Variants in SMOC1 observed in about 807,000 individuals in gnomAD.
SMOC1 encodes SPARC-related modular calcium-binding protein 1.
SMOC1 carries 22 observed loss-of-function variants against 56.3 expected under a neutral mutation model. The observed-to-expected ratio is 0.39, with a 90% confidence interval of 0.28 to 0.56. SMOC1 has a LOEUF of 0.56. Among genes scored for constraint, SMOC1 ranks in the 20% least tolerant of loss-of-function variants. SMOC1 has a pLI of 0.61. For synonymous variants in SMOC1, 193 were observed against 215.0 expected (o/e 0.90, Z 0.89); for missense variants, 509 against 565.4 (o/e 0.90, Z 1.01).
At chr14:70,006,563 T>G (rs1188290623) in intron 7 of SMOC1, among the ~76,000 whole-genome samples, 1 of 152,210 alleles carries the variant, frequency 6.6e-6, no homozygotes, top group Admixed American at 6.5e-5. Flanking sequence ...GATGAATAGT[T>G]AAGGAGGTCT....
chr14:69,997,986 T>C (rs1459705), intron 7 of SMOC1, among the ~76,000 whole-genome samples: 9,691 of 152,194 alleles, frequency 0.064, 753 homozygotes, highest in African/African-American at 0.19. Flanking sequence ...CATCCTTTTT[T>C]CACACTCAGA....
chr14:69,963,845 A>G (rs1883471667), intron 3 of SMOC1, among the ~76,000 whole-genome samples: 1 of 152,216 alleles, frequency 6.6e-6, no homozygotes, highest in African/African-American at 2.4e-5. Flanking sequence ...TTGTCTAGGA[A>G]GTGACCGGTC....
intron 7 of SMOC1, among the ~76,000 whole-genome samples, chr14:70,004,319 A>G (rs545233479): frequency 1.1e-4 from 16 of 152,208 alleles, no homozygotes; most frequent in Non-Finnish European, 2.4e-4. Context: ...TGGCTAGGCC[A>G]TCCTGCCCAG....
intron 7 of SMOC1, among the ~76,000 whole-genome samples, chr14:69,997,360 G>C (rs1884806731): frequency 6.6e-6 from 1 of 152,234 alleles, no homozygotes; most frequent in South Asian, 2.1e-4. Context: ...GGCTTTCTTA[G>C]GTAGTGGATA....
At chr14:69,885,565 A>G in intron 1 of SMOC1, 1 of 1,594,500 alleles carries the variant, frequency 6.3e-7, no homozygotes. Context: ...TGTGGACTAG[A>G]CGTCCCAGTC....
intron 1 of SMOC1, among the ~76,000 whole-genome samples, chr14:69,880,360 G>A (rs1267480596): frequency 6.6e-6 from 1 of 152,224 alleles, no homozygotes; most frequent in Non-Finnish European, 1.5e-5. Flanking sequence ...GTACTGTAAA[G>A]AGGTGGGAGG....
chr14:70,007,107 G>A (rs1224260869), intron 7 of SMOC1, among the ~76,000 whole-genome samples: 1 of 152,178 alleles, frequency 6.6e-6, no homozygotes, highest in African/African-American at 2.4e-5. Flanking sequence ...ATTAGCCTGT[G>A]GCAAGAAGAT....
chr14:69,896,751 G>A (rs1884109724), intron 1 of SMOC1, among the ~76,000 whole-genome samples: 1 of 152,208 alleles, frequency 6.6e-6, no homozygotes, highest in African/African-American at 2.4e-5. Context: ...GAGGGAGGAT[G>A]TTCCTTGGCA....
chr14:69,953,373 G>T (rs763211152), intron 2 of SMOC1, 47 bp from the exon 3 acceptor site: 2 of 1,573,676 alleles, frequency 1.3e-6, no homozygotes, highest in Non-Finnish European at 1.7e-6. Flanking sequence ...CTCGGCCCCA[G>T]TGTCGAATCC....
chr14:69,988,289 C>CTTT (rs11367943), intron 5 of SMOC1, among the ~76,000 whole-genome samples: 25,690 of 146,312 alleles, frequency 0.18, 2,601 homozygotes, highest in East Asian at 0.38. Flanking sequence ...TTTGAATTGG[C>CTTT]TTTTTTTTTT....
intron 1 of SMOC1, among the ~76,000 whole-genome samples, chr14:69,936,220 G>T (rs1046068629): frequency 1.4e-4 from 22 of 152,148 alleles, no homozygotes; most frequent in African/African-American, 4.1e-4. Context: ...GCTGAGTGCC[G>T]CTGGCAGCCC....
intron 5 of SMOC1, among the ~76,000 whole-genome samples, chr14:69,987,049 A>T (rs899457952): frequency 1.3e-5 from 2 of 152,180 alleles, no homozygotes; most frequent in Non-Finnish European, 2.9e-5. Flanking sequence ...GACTTTTGCA[A>T]ACAGACACTG....
At chr14:69,959,792 T>C (rs1162351310) in intron 3 of SMOC1, among the ~76,000 whole-genome samples, 1 of 152,086 alleles carries the variant, frequency 6.6e-6, no homozygotes, top group East Asian at 1.9e-4. Flanking sequence ...AGTTGGAAGC[T>C]TAAAAAATGT....
At chr14:69,963,236 G>A (rs1257740888) in intron 3 of SMOC1, among the ~76,000 whole-genome samples, 2 of 152,226 alleles carry the variant, frequency 1.3e-5, no homozygotes, top group Admixed American at 6.5e-5. Flanking sequence ...GCATCTAGTA[G>A]GGGGAATGCA....
chr14:69,958,455 A>G (rs1395148881), intron 3 of SMOC1, among the ~76,000 whole-genome samples: 1 of 152,236 alleles, frequency 6.6e-6, no homozygotes, highest in East Asian at 1.9e-4. Flanking sequence ...GAATGATGTT[A>G]TCTTCTTTTG....
intron 3 of SMOC1, among the ~76,000 whole-genome samples, chr14:69,961,370 TTTTTTATTTTTAG>T (rs1883373878): frequency 6.7e-6 from 1 of 148,172 alleles, no homozygotes; most frequent in Admixed American, 6.7e-5. Context: ...GTTGTTTCTA[TTTTTTATTTTTAG>T]TTTTTATTAT....
chr14:69,885,538 A>C, intron 1 of SMOC1: 1 of 1,598,064 alleles, frequency 6.3e-7, no homozygotes, highest in Non-Finnish European at 8.5e-7. Flanking sequence ...TGAAGGCGAC[A>C]GTGGTGCAGG....
At chr14:70,005,129 A>G (rs1594850872) in intron 7 of SMOC1, among the ~76,000 whole-genome samples, 2 of 152,386 alleles carry the variant, frequency 1.3e-5, no homozygotes, top group South Asian at 2.1e-4. Context: ...TCTGAAACTC[A>G]AATCTTGTAA....
intron 1 of SMOC1, among the ~76,000 whole-genome samples, chr14:69,917,235 C>G (rs1229525828): frequency 1.3e-5 from 2 of 152,190 alleles, no homozygotes; most frequent in Non-Finnish European, 2.9e-5. Flanking sequence ...AGGGCTGGAA[C>G]TTTGAAGGAA....
Sources: gnomAD v4.1 joint callset for allele counts (sites outside exome capture counted in the v4.1 genomes callset) on GRCh38, gnomAD v4.1.1 for gene constraint, MANE v1.5 for transcripts, NCBI Gene and HGNC (gene_info 2026-07-23, HGNC 2026-07-21) for gene names.